PTPRU: variants seen among roughly 807,000 people sequenced by gnomAD.
PTPRU encodes the protein protein tyrosine phosphatase receptor type U, also known as receptor-type tyrosine-protein phosphatase U.
A neutral mutation model predicts 166.3 loss-of-function variants in PTPRU; 69 were observed. The observed-to-expected ratio is 0.41, with a 90% confidence interval of 0.34 to 0.51. PTPRU has a LOEUF of 0.51. Among genes scored for constraint, PTPRU ranks in the 20% least tolerant of loss-of-function variants. The pLI is 0.09. For synonymous variants in PTPRU, 793 were observed against 814.0 expected (o/e 0.97, Z 0.44); for missense variants, 1,657 against 2,013.7 (o/e 0.82, Z 3.39).
At chr1:29,285,713 A>T (rs554391228) in intron 14 of PTPRU, among the ~76,000 whole-genome samples, 15 of 152,304 alleles carry the variant, frequency 9.8e-5, no homozygotes, top group African/African-American at 3.6e-4. Context: ...CCTTCAAAAC[A>T]CCAGAAAACC....
chr1:29,259,600 T>TGGGTTTTTTTGGGGGGGGGGGGGGGG (rs1574622567), intron 5 of PTPRU, 36 bp downstream of exon 5: 6 of 253,630 alleles, frequency 2.4e-5, no homozygotes, highest in Non-Finnish European at 3.8e-5. Flanking sequence ...GGGGGCGGGG[T>TGGGTTTTTTTGGGGGGGGGGGGGGGG]GGGAGGGGGT....
At position 29,279,470 on chromosome 1, in the gene PTPRU, C is replaced by T; in HGVS notation, c.1578C>T (p.Ser526=). 6.2e-7 allele frequency: 1 copy of T among 1,614,128 alleles called. No individual in the cohort carries two copies. The highest frequency in any genetic ancestry group is 8.5e-7 in the Non-Finnish European group (1 of 1,180,008). The change falls in exon 10 of 30, where the codon AGC becomes AGT. Residue 526 remains serine, a synonymous_variant. Coordinates refer to ENST00000373779, the MANE Select transcript of PTPRU (RefSeq NM_133178.4). The surrounding 1 kb of genome is among the most constrained non-coding windows in gnomAD (Gnocchi z 5.2). ...LITQYEISYQ[S]IESSDPAVNV... is the part of the protein sequence containing the mutation. ...CCTGCCCCCAGATCAGCTACCAGAG[C>T]ATCGAGTCATCAGACCCGGCAGTGA...
Position 29,279,211 on chromosome 1 carries a change from G to T in PTPRU, c.1563+90G>T. On this transcript the variant is annotated intron_variant, in intron 9 of 29. Coordinates refer to ENST00000373779, the MANE Select transcript of PTPRU (RefSeq NM_133178.4). This position sits in a 1 kb window ranked among gnomAD's most constrained non-coding sequence, Gnocchi z 5.2. ...TCTGCTGCTACAGTAGGAGGTGCAT[G>T]GGAGGACAGATGTGATTGTCATAGT... 8.5e-7 allele frequency: 1 copy of T among 1,177,224 alleles called. No individual in the cohort carries two copies. 72.9% of individuals were successfully genotyped at this position (1,177,224 alleles called of 1,614,324 possible).
chr1:29,278,030 G>C (rs1685896754), intron 8 of PTPRU, among the ~76,000 whole-genome samples: 1 of 151,852 alleles, frequency 6.6e-6, no homozygotes, highest in South Asian at 2.1e-4. Context: ...ATGTTGGCCA[G>C]GCTGGTCTCG....
Position 29,315,658 on chromosome 1 carries a change from T to G in PTPRU, c.3363+151T>G, listed in dbSNP as rs1574721007. 2.3e-5 allele frequency: 27 copies of G among 1,179,776 alleles called. No individual in the cohort carries two copies. Among genetic ancestry groups the G allele is most frequent in the Non-Finnish European group, 2.8e-5 (23 of 826,900 alleles). 73.1% of individuals were successfully genotyped at this position (1,179,776 alleles called of 1,614,324 possible). ...CCCTGACCTTGGGCCGCCAACTGCA[T>G]AGGGTCATCCTGAACTGCTCCCCTG... On this transcript the variant is annotated intron_variant, in intron 23 of 29. Coordinates refer to ENST00000373779, the MANE Select transcript of PTPRU (RefSeq NM_133178.4). The surrounding 1 kb of genome is among the most constrained non-coding windows in gnomAD (Gnocchi z 4.5).
chr1:29,305,528 A>T, intron 18 of PTPRU, 100 bp downstream of exon 18: 1 of 1,236,344 alleles, frequency 8.1e-7, no homozygotes, highest in East Asian at 2.3e-5. Flanking sequence ...TGGGGGTTCA[A>T]ATGGCTGAGT....
rs76049312 is a variant in PTPRU at position 29,317,046 on chromosome 1, C to G, written c.3514-702C>G. Among the ~76,000 whole-genome samples the G allele has an allele frequency of 0.017, 2,657 of 152,224 alleles. 114 individuals are homozygous for G. Among genetic ancestry groups the G allele is most frequent in the East Asian group, 0.17 (866 of 5,174 alleles). On this transcript the variant is annotated intron_variant, in intron 24 of 29. Coordinates refer to ENST00000373779, the MANE Select transcript of PTPRU (RefSeq NM_133178.4). This position sits in a 1 kb window ranked among gnomAD's most constrained non-coding sequence, Gnocchi z 5.6. ...CGTGCTGGGGACCTGGCACTTCTCA[C>G]AGGAGGTGCAGGGTTCCCGGAGGAG...
chr1:29,258,797 G>C (rs373300231), intron 3 of PTPRU, 21 bp downstream of exon 3: 3 of 1,550,154 alleles, frequency 1.9e-6, no homozygotes, highest in Non-Finnish European at 2.6e-6. Context: ...TTCAGTCAGC[G>C]GTCAGCCTGT....
At chr1:29,267,676 G>A (rs1453167949) in intron 7 of PTPRU, among the ~76,000 whole-genome samples, 3 of 152,198 alleles carry the variant, frequency 2.0e-5, no homozygotes, top group African/African-American at 7.2e-5. Context: ...AGAGGCTGAA[G>A]TTGAGCTGCA....
At chr1:29,249,913 G>C (rs1403767919) in intron 1 of PTPRU, among the ~76,000 whole-genome samples, 2 of 152,102 alleles carry the variant, frequency 1.3e-5, no homozygotes, top group African/African-American at 2.4e-5. Context: ...CCTCACCCTG[G>C]CGTTCAGGGT....
chr1:29,289,143 G>A (rs1686500967), intron 14 of PTPRU, among the ~76,000 whole-genome samples: 1 of 152,080 alleles, frequency 6.6e-6, no homozygotes, highest in African/African-American at 2.4e-5. Flanking sequence ...GTGGGAGGGT[G>A]GGGGATGAGA....
At chr1:29,268,597 C>T (rs909286512) in intron 7 of PTPRU, among the ~76,000 whole-genome samples, 2 of 152,224 alleles carry the variant, frequency 1.3e-5, no homozygotes, top group Non-Finnish European at 2.9e-5. Context: ...AAAGCCTGAA[C>T]CTTGGAGCCT....
chr1:29,300,547 TA>T (rs1188009803), intron 15 of PTPRU, among the ~76,000 whole-genome samples: 1 of 152,220 alleles, frequency 6.6e-6, no homozygotes, highest in Non-Finnish European at 1.5e-5. Flanking sequence ...ACCACCAAAT[TA>T]GGCCAGTCTT....
intron 15 of PTPRU, among the ~76,000 whole-genome samples, chr1:29,294,433 T>C (rs1291565631): frequency 6.6e-6 from 1 of 152,230 alleles, no homozygotes; most frequent in South Asian, 2.1e-4. Flanking sequence ...GTTGCTTTCT[T>C]AGTGGTTTTT....
rs146215972 is a variant in PTPRU, at chr1:29,303,948, C to T, written c.2570C>T (p.Thr857Met). The change falls in exon 16 of 30, where the codon ACG becomes ATG. Residue 857 changes from threonine to methionine, a missense_variant. Transcript: ENST00000373779. ...GGCCGGAAGGGCTCCCCATACCACA[C>T]GGGGCAGCTGCACCCTGCGGTGCGT... ...PCGRKGSPYHTGQLHPAVRVA... is the reference protein window; with the variant it reads ...PCGRKGSPYHMGQLHPAVRVA... 1.6e-5 allele frequency: 26 copies of T among 1,613,824 alleles called. No individual in the cohort carries two copies. The highest frequency in any genetic ancestry group is 2.2e-5 in the East Asian group (1 of 44,896).
intron 22 of PTPRU, among the ~76,000 whole-genome samples, chr1:29,314,110 T>G (rs1687789776): frequency 6.6e-6 from 1 of 152,234 alleles, no homozygotes. Flanking sequence ...TGGATCATCG[T>G]CCATCAAGTG....
rs781765403 is a variant in PTPRU, at chr1:29,258,630, G to T, written c.331G>T (p.Gly111Trp). The T allele has an allele frequency of 6.2e-7, 1 of 1,614,244 alleles. No homozygotes were observed. ...CAGCTACTTCCTGTACAGCCGGGACGGGCACAGCCCGGGCACCCTGGGCGT... is the reference window on the plus strand; with the variant it reads ...CAGCTACTTCCTGTACAGCCGGGACTGGCACAGCCCGGGCACCCTGGGCGT... ...QFSYFLYSRDGHSPGTLGVYV... is the reference protein window; with the variant it reads ...QFSYFLYSRDWHSPGTLGVYV... Residue 111 changes from glycine (G) to tryptophan (W), a missense_variant, in exon 3 of 30, where the codon GGG becomes TGG. Physicochemically the swap from Gly to Trp is radical, Grantham distance 184 (BLOSUM62 -2). Around this residue, in one of 3 missense-constraint regions of PTPRU, gnomAD observed 453 missense variants for 496.9 expected, o/e 0.91. Transcript: ENST00000373779.
intron 17 of PTPRU, 65 bp from the exon 18 acceptor site, chr1:29,305,287 C>G: frequency 6.7e-7 from 1 of 1,500,430 alleles, no homozygotes; most frequent in South Asian, 1.1e-5. Flanking sequence ...TCCAGGAATC[C>G]CTCCCTGACT....
At chr1:29,251,044 A>G (rs958800135) in intron 1 of PTPRU, among the ~76,000 whole-genome samples, 9 of 152,156 alleles carry the variant, frequency 5.9e-5, no homozygotes, top group Non-Finnish European at 8.8e-5. Flanking sequence ...TTGAGGCCAG[A>G]AGTTTGAGAC....
Sources: gnomAD v4.1 joint callset for allele counts (sites outside exome capture counted in the v4.1 genomes callset) on GRCh38, gnomAD v4.1.1 for gene constraint, gnomAD v4.1.1 regional missense constraint, Gnocchi (gnomAD v3.1) non-coding constraint, MANE v1.5 for transcripts, NCBI Gene and HGNC (gene_info 2026-07-23, HGNC 2026-07-21) for gene names.